Variants in IMMP1L observed in about 807,000 individuals in gnomAD.
IMMP1L encodes the protein inner mitochondrial membrane peptidase subunit 1.
Under a neutral mutation model 21.8 loss-of-function variants are expected in IMMP1L, and 24 were observed. The ratio of observed to expected loss-of-function variants is 1.10; its 90% CI spans 0.80 to 1.55. The LOEUF (loss-of-function observed/expected upper bound fraction) is 1.55, where lower values mean the gene tolerates loss of function less well. Ranked by LOEUF, IMMP1L falls within the 40% of genes most tolerant of loss-of-function variation. The pLI, the probability that IMMP1L is intolerant of heterozygous loss-of-function variation, is 0.00. For missense variants in IMMP1L, 195 were observed against 200.7 expected, an observed-to-expected ratio of 0.97 and a Z score of 0.17; for synonymous variants, 46 against 62.8, an observed-to-expected ratio of 0.73 and a Z score of 1.26.
intron 1 of IMMP1L, among the ~76,000 whole-genome samples, chr11:31,503,077 G>A (rs1486565639): frequency 6.6e-6 from 1 of 151,996 alleles, no homozygotes; most frequent in African/African-American, 2.4e-5. Context: ...ATGAATATAA[G>A]TACTCATTTG....
At chr11:31,473,808 C>T (rs944277399) in intron 1 of IMMP1L, 15 of 966,404 alleles carry the variant, frequency 1.6e-5, no homozygotes, top group African/African-American at 1.4e-4. Flanking sequence ...GAAAGCATTT[C>T]GTTTCAGAAA....
At chr11:31,433,855 A>G (rs1467066163) in intron 4 of IMMP1L, 1 of 229,998 alleles carries the variant, frequency 4.3e-6, no homozygotes, top group Non-Finnish European at 8.4e-6. Flanking sequence ...AGAGATCAAA[A>G]TAGTGTGACA....
At chr11:31,478,279 T>C (rs1954787361) in intron 1 of IMMP1L, among the ~76,000 whole-genome samples, 1 of 152,214 alleles carries the variant, frequency 6.6e-6, no homozygotes, top group South Asian at 2.1e-4. Flanking sequence ...CATAAATTAG[T>C]TGGCCATTTC....
intron 4 of IMMP1L, among the ~76,000 whole-genome samples, chr11:31,445,399 T>TGGG (rs1386905274): frequency 6.6e-6 from 1 of 152,224 alleles, no homozygotes; most frequent in Non-Finnish European, 1.5e-5. Flanking sequence ...AATCTCCTGT[T>TGGG]GTTGCTGTAC....
chr11:31,442,615 G>A (rs959654661), intron 4 of IMMP1L, among the ~76,000 whole-genome samples: 1 of 152,160 alleles, frequency 6.6e-6, no homozygotes, highest in African/African-American at 2.4e-5. Flanking sequence ...ACCAGCAATG[G>A]TAGGGTTTGC....
intron 4 of IMMP1L, chr11:31,437,025 G>A (rs1953147289): frequency 6.8e-6 from 2 of 295,558 alleles, no homozygotes; most frequent in South Asian, 6.4e-5. Context: ...CATCACTGAT[G>A]TTACCTTTAA....
rs572585030 is a variant in IMMP1L at position 31,434,829 on chromosome 11, A to G, written c.322-1259T>C. Among the ~76,000 whole-genome samples, 25 of 152,258 alleles carry G rather than the reference A, an allele frequency of 1.6e-4. 1 individual carries two copies. The East Asian group carries it at 2.9e-3, about 18-fold the overall frequency. On this transcript the variant is annotated intron_variant, in intron 4 of 5. Coordinates refer to ENST00000532287, the MANE Select transcript of IMMP1L (RefSeq NM_001304274.2). ...AATATCAGAAACTGTATGATCATTC[A>G]CTTTTATTACTGGAACTAGTTTGTC...
At chr11:31,495,024 C>A (rs890948296) in intron 1 of IMMP1L, among the ~76,000 whole-genome samples, 1 of 152,192 alleles carries the variant, frequency 6.6e-6, no homozygotes, top group Non-Finnish European at 1.5e-5. Context: ...TACCCTAAAT[C>A]ATTTCTTTCA....
At position 31,509,620 on chromosome 11, in the gene IMMP1L, T is replaced by C; in HGVS notation, c.-131A>G. Reference sequence around the variant, plus strand: ...GACCGTCCTTTCGTAGGGCGCACTTTTCAGCAATACGCCTTCCGATTGGTT... The same window carrying C: ...GACCGTCCTTTCGTAGGGCGCACTTCTCAGCAATACGCCTTCCGATTGGTT... On this transcript the variant is annotated 5_prime_UTR_variant, in exon 1 of 6. Transcript: ENST00000532287. 1.4e-6 allele frequency: 1 copy of C among 720,174 alleles called. No homozygotes were observed. Among genetic ancestry groups the C allele is most frequent in the Non-Finnish European group, 2.3e-6 (1 of 442,656 alleles). 44.6% of individuals were successfully genotyped at this position (720,174 alleles called of 1,614,324 possible). A position where few individuals can be genotyped will look rare whatever the true frequency, so the allele number is the denominator to read the frequency against.
chr11:31,487,029 T>G (rs1436924124), intron 1 of IMMP1L, among the ~76,000 whole-genome samples: 1 of 151,628 alleles, frequency 6.6e-6, no homozygotes. Flanking sequence ...AAATATTTAA[T>G]TTATAATTAT....
chr11:31,503,245 C>G (rs562199412), intron 1 of IMMP1L, among the ~76,000 whole-genome samples: 185 of 152,056 alleles, frequency 1.2e-3, no homozygotes, highest in Non-Finnish European at 2.1e-3. Flanking sequence ...CATAAAATGC[C>G]ATAAGTTATA....
chr11:31,497,176 T>G (rs1955470497), intron 1 of IMMP1L, among the ~76,000 whole-genome samples: 1 of 151,522 alleles, frequency 6.6e-6, no homozygotes, highest in Non-Finnish European at 1.5e-5. Flanking sequence ...TTAAATTGGG[T>G]TTATCAGGAC....
chr11:31,508,706 T>G (rs1475927077), intron 1 of IMMP1L, among the ~76,000 whole-genome samples: 1 of 152,220 alleles, frequency 6.6e-6, no homozygotes, highest in Admixed American at 6.5e-5. Flanking sequence ...TCAAAGTCAA[T>G]AACTCAGTAG....
chr11:31,438,647 A>ATCAAAGC (rs1953207176), intron 4 of IMMP1L, among the ~76,000 whole-genome samples: 1 of 152,162 alleles, frequency 6.6e-6, no homozygotes, highest in Admixed American at 6.5e-5. Context: ...TTGATTAGGT[A>ATCAAAGC]TGTGATCCAT....
chr11:31,456,876 C>CAAA lies in IMMP1L; in HGVS notation c.195-493_195-491dup, dbSNP rs56849120. Among the ~76,000 whole-genome samples the CAAA allele has an allele frequency of 2.2e-4, 4 of 17,968 alleles. 1 individual carries two copies. Among genetic ancestry groups the CAAA allele is most frequent in the Non-Finnish European group, 3.2e-4 (3 of 9,356 alleles). The allele number at this position is 17,968 out of a possible 152,430, so 11.8% of individuals were successfully genotyped here. On this transcript the variant is annotated intron_variant, in intron 3 of 5. Coordinates refer to ENST00000532287, the MANE Select transcript of IMMP1L (RefSeq NM_001304274.2). The stretch of plus-strand genomic sequence containing the variant: ...GGGCAACAGACTGAGACCATGTCTC[C>CAAA]AAAAAAAAAAAAAAAAAAAAAAAAA...
At chr11:31,496,993 CAT>C (rs1955463987) in intron 1 of IMMP1L, among the ~76,000 whole-genome samples, 1 of 64,534 alleles carries the variant, frequency 1.5e-5, no homozygotes, top group African/African-American at 1.7e-4. Context: ...AATCTTATAT[CAT>C]ATACTATAAT....
intron 1 of IMMP1L, among the ~76,000 whole-genome samples, chr11:31,505,328 C>T (rs1955743116): frequency 1.3e-5 from 2 of 152,156 alleles, no homozygotes; most frequent in South Asian, 4.1e-4. Flanking sequence ...TTAAGATAGG[C>T]ACCTTGGAGA....
At chr11:31,496,613 ATATGTG>A (rs531542121) in intron 1 of IMMP1L, among the ~76,000 whole-genome samples, 108 of 150,510 alleles carry the variant, frequency 7.2e-4, no homozygotes, top group African/African-American at 2.5e-3. Flanking sequence ...AAACTGTGAT[ATATGTG>A]TGTGTGTGTG....
chr11:31,498,900 A>G (rs1272497717), intron 1 of IMMP1L, among the ~76,000 whole-genome samples: 2 of 152,228 alleles, frequency 1.3e-5, no homozygotes, highest in Non-Finnish European at 2.9e-5. Flanking sequence ...AACATTACTT[A>G]ATATAATTAA....
Sources: allele counts gnomAD v4.1 joint callset (sites outside exome capture counted in the v4.1 genomes callset), GRCh38; gene constraint gnomAD v4.1.1; transcripts MANE v1.5; gene names NCBI Gene and HGNC (gene_info 2026-07-23, HGNC 2026-07-21).